The following EFNA5 variants were observed in gnomAD, a reference collection of about 807,000 sequenced individuals.
EFNA5 encodes the protein ephrin-A5.
In EFNA5, 5 loss-of-function variants were observed where a neutral mutation model predicts 22.9. That is an observed-to-expected ratio of 0.22 (90% CI 0.11 to 0.46). EFNA5 has a LOEUF of 0.46. EFNA5 is among the 20% of genes least tolerant of loss of function. The probability of loss-of-function intolerance (pLI) is 0.99; values close to 1 mark genes in which losing one functional copy is unlikely to be tolerated. For synonymous variants in EFNA5, 113 were observed against 112.2 expected, an observed-to-expected ratio of 1.01 and a Z score of -0.04; for missense variants, 237 against 293.3, an observed-to-expected ratio of 0.81 and a Z score of 1.40.
intron 1 of EFNA5, among the ~76,000 whole-genome samples, chr5:107,518,956 T>A (rs954097989): frequency 3.3e-4 from 50 of 152,162 alleles, no homozygotes; most frequent in African/African-American, 1.0e-3. Flanking sequence ...TGACCCAAAT[T>A]TAAAAACAAG....
At chr5:107,595,954 C>T (rs1749464499) in intron 1 of EFNA5, among the ~76,000 whole-genome samples, 1 of 152,062 alleles carries the variant, frequency 6.6e-6, no homozygotes, top group African/African-American at 2.4e-5. Context: ...TGGCAATAAG[C>T]AAAAGGCTTA....
chr5:107,625,697 A>G (rs1029965692), intron 1 of EFNA5, among the ~76,000 whole-genome samples: 5 of 152,176 alleles, frequency 3.3e-5, no homozygotes, highest in Non-Finnish European at 7.4e-5. Context: ...TAAATCCCCA[A>G]ACACACCAGA....
At chr5:107,563,335 T>C (rs1010260299) in intron 1 of EFNA5, among the ~76,000 whole-genome samples, 20 of 152,216 alleles carry the variant, frequency 1.3e-4, no homozygotes, top group African/African-American at 4.3e-4. Context: ...TCTCACCACC[T>C]GCTCCTTTTG....
chr5:107,539,704 A>G (rs1326010452), intron 1 of EFNA5, among the ~76,000 whole-genome samples: 3 of 151,886 alleles, frequency 2.0e-5, no homozygotes, highest in Non-Finnish European at 4.4e-5. Context: ...TGATCCACCC[A>G]CCTCAGCCTC....
intron 1 of EFNA5, among the ~76,000 whole-genome samples, chr5:107,534,541 T>C (rs1339664347): frequency 6.6e-6 from 1 of 152,256 alleles, no homozygotes; most frequent in Non-Finnish European, 1.5e-5. Flanking sequence ...TTTTCCCTTT[T>C]CACATTTCAG....
intron 1 of EFNA5, among the ~76,000 whole-genome samples, chr5:107,510,233 A>G (rs910967137): frequency 6.6e-6 from 1 of 152,168 alleles, no homozygotes; most frequent in Admixed American, 6.5e-5. Context: ...AGCATGCTAA[A>G]AGACACTCCC....
At chr5:107,469,503 G>A (rs1265673254) in intron 1 of EFNA5, among the ~76,000 whole-genome samples, 1 of 152,058 alleles carries the variant, frequency 6.6e-6, no homozygotes, top group East Asian at 1.9e-4. Context: ...TCAGTATATT[G>A]TAAAGGAAGA....
At chr5:107,569,093 T>C (rs1748720507) in intron 1 of EFNA5, among the ~76,000 whole-genome samples, 1 of 152,090 alleles carries the variant, frequency 6.6e-6, no homozygotes, top group Admixed American at 6.6e-5. Context: ...ATACTTAGCA[T>C]ATTAACCCCC....
Position 107,377,432 on chromosome 5 carries a change from A to AC in EFNA5, c.*3822dup, listed in dbSNP as rs1055605039. The stretch of plus-strand genomic sequence containing the variant: ...AGTAAAAGGGGGGTGGTGTAGGCAA[A>AC]CGGGGGTGTTGGTGGAGGCGGTTTT... On this transcript the variant is annotated 3_prime_UTR_variant, in exon 5 of 5. Coordinates refer to ENST00000333274, the MANE Select transcript of EFNA5 (RefSeq NM_001962.3). 4 of 151,504 alleles carry AC rather than the reference A, an allele frequency of 2.6e-5. No homozygotes were observed. Among genetic ancestry groups the AC allele is most frequent in the African/African-American group, 9.7e-5 (4 of 41,274 alleles). 9.4% of individuals were successfully genotyped at this position (151,504 alleles called of 1,614,324 possible). A position where few individuals can be genotyped will look rare whatever the true frequency, so the allele number is the denominator to read the frequency against.
intron 1 of EFNA5, among the ~76,000 whole-genome samples, chr5:107,520,735 TG>T (rs770617076): frequency 1.3e-5 from 2 of 152,194 alleles, no homozygotes; most frequent in Non-Finnish European, 2.9e-5. Flanking sequence ...GATGTGTGAG[TG>T]TTTCTGACTG....
intron 2 of EFNA5, among the ~76,000 whole-genome samples, chr5:107,410,339 T>G (rs1449791576): frequency 6.6e-6 from 1 of 152,168 alleles, no homozygotes; most frequent in East Asian, 1.9e-4. Context: ...CTGTATATGT[T>G]GCTCATCTGA....
Position 107,379,224 on chromosome 5 carries a change from G to A in EFNA5, c.*2031C>T, listed in dbSNP as rs2112479532. On this transcript the variant is annotated 3_prime_UTR_variant, in exon 5 of 5. Coordinates refer to ENST00000333274, the MANE Select transcript of EFNA5 (RefSeq NM_001962.3). ...GTTCCATGTGAGAACAGACTCGGCA[G>A]TGACATCCACTCCAAATGGATCAGG... 6.6e-6 allele frequency: 1 copy of A among 152,240 alleles called. No homozygotes were observed. The highest frequency in any genetic ancestry group is 1.9e-4 in the East Asian group (1 of 5,170). The allele number at this position is 152,240 out of a possible 1,614,324, so 9.4% of individuals were successfully genotyped here. A position where few individuals can be genotyped will look rare whatever the true frequency, so the allele number is the denominator to read the frequency against.
intron 1 of EFNA5, among the ~76,000 whole-genome samples, chr5:107,664,688 T>C (rs888161675): frequency 2.0e-5 from 3 of 152,098 alleles, no homozygotes; most frequent in African/African-American, 4.8e-5. Flanking sequence ...CAAAGGGCAA[T>C]TTTTTTCCTC....
At chr5:107,655,271 T>A (rs1750798717) in intron 1 of EFNA5, among the ~76,000 whole-genome samples, 1 of 152,072 alleles carries the variant, frequency 6.6e-6, no homozygotes, top group African/African-American at 2.4e-5. Context: ...TGAAATAAAC[T>A]CATAGCAAGC....
intron 1 of EFNA5, among the ~76,000 whole-genome samples, chr5:107,585,228 T>C (rs927606359): frequency 1.3e-5 from 2 of 152,154 alleles, no homozygotes; most frequent in Admixed American, 6.5e-5. Context: ...TTTTCACTTA[T>C]CATAAGAGTT....
chr5:107,629,097 C>T (rs1348660934), intron 1 of EFNA5, among the ~76,000 whole-genome samples: 1 of 151,920 alleles, frequency 6.6e-6, no homozygotes, highest in Non-Finnish European at 1.5e-5. Context: ...CTTTGAACTT[C>T]CATTATATTG....
intron 1 of EFNA5, among the ~76,000 whole-genome samples, chr5:107,481,876 A>G (rs1159728679): frequency 6.6e-6 from 1 of 151,286 alleles, no homozygotes. Context: ...AAAGAAATGG[A>G]AAAGGGATGA....
rs188916855 is a variant in EFNA5, at chr5:107,377,728, C to T, written c.*3527G>A. The T allele has an allele frequency of 2.6e-5, 4 of 152,216 alleles. No homozygotes were observed. In the East Asian group the frequency reaches 7.7e-4, roughly 29 times the overall value. The allele number at this position is 152,216 out of a possible 1,614,324, so 9.4% of individuals were successfully genotyped here. ...GCTGCACATGATATTGATAAAGACTCTTCCTGGGAAAAAATAAAACAGTCC... is the reference window on the plus strand; with the variant it reads ...GCTGCACATGATATTGATAAAGACTTTTCCTGGGAAAAAATAAAACAGTCC... On this transcript the variant is annotated 3_prime_UTR_variant, in exon 5 of 5. Transcript: ENST00000333274.
Position 107,427,527 on chromosome 5 carries a change from A to G in EFNA5, c.126-18T>C, listed in dbSNP as rs1339098815. ...TCTGGAATCTGTTAGAAAAAGAAAAAAAAATGTGATAATTCATAGAGAAAG... is the reference window on the plus strand; with the variant it reads ...TCTGGAATCTGTTAGAAAAAGAAAAGAAAATGTGATAATTCATAGAGAAAG... On this transcript the variant is annotated intron_variant, in intron 1 of 4. Transcript: ENST00000333274. 2 of 1,568,246 alleles carry G rather than the reference A, an allele frequency of 1.3e-6. No individual in the cohort carries two copies. Among genetic ancestry groups the G allele is most frequent in the Non-Finnish European group, 1.7e-6 (2 of 1,160,078 alleles).
Sources: allele counts gnomAD v4.1 joint callset (sites outside exome capture counted in the v4.1 genomes callset), GRCh38; gene constraint gnomAD v4.1.1; transcripts MANE v1.5; gene names NCBI Gene and HGNC (gene_info 2026-07-23, HGNC 2026-07-21).